The following PNPLA3 variants were observed in gnomAD, a reference collection of about 807,000 sequenced individuals.
PNPLA3 encodes the protein patatin like domain 3, 1-acylglycerol-3-phosphate O-acyltransferase.
A neutral mutation model predicts 43.1 loss-of-function variants in PNPLA3; 42 were observed. The ratio of observed to expected loss-of-function variants is 0.97; its 90% confidence interval spans 0.76 to 1.26. PNPLA3 has a LOEUF of 1.26. Ranked by LOEUF, PNPLA3 falls within the 50% of genes most tolerant of loss-of-function variation. The pLI, the probability that PNPLA3 is intolerant of heterozygous loss-of-function variation, is 0.00. For synonymous variants in PNPLA3, 272 were observed against 253.6 expected (o/e 1.07, Z -0.69); for missense variants, 647 against 621.4 (o/e 1.04, Z -0.44).
At chr22:43,940,430 A>G (rs1010022) in intron 7 of PNPLA3, among the ~76,000 whole-genome samples, 30,928 of 152,176 alleles carry the variant, frequency 0.2, 3,660 homozygotes, top group East Asian at 0.39. Context: ...GCTTGGGGTC[A>G]CTGCTCTGAG....
chr22:43,923,831 A>T lies in PNPLA3; in HGVS notation c.-81A>T. The T allele has an allele frequency of 7.4e-7, 1 of 1,345,388 alleles. No individual in the cohort carries two copies. The highest frequency in any genetic ancestry group is 9.6e-7 in the Non-Finnish European group (1 of 1,036,908). 83.3% of individuals were successfully genotyped at this position (1,345,388 alleles called of 1,614,324 possible). ...GAGAGCGCTTGCGGGCGCCGGGCGG[A>T]GCTGCTGCGGATCAGGACCCGAGCC... is the stretch of plus-strand genomic sequence containing the variant. On this transcript the variant is annotated 5_prime_UTR_variant, in exon 1 of 9. Coordinates refer to ENST00000216180, the MANE Select transcript of PNPLA3 (RefSeq NM_025225.3).
chr22:43,941,439 C>T (rs939425532), intron 7 of PNPLA3, among the ~76,000 whole-genome samples: 1 of 152,130 alleles, frequency 6.6e-6, no homozygotes, highest in Non-Finnish European at 1.5e-5. Context: ...AGCTGTGTGA[C>T]TCCAGATGAC....
intron 2 of PNPLA3, among the ~76,000 whole-genome samples, chr22:43,928,560 G>T (rs2049940188): frequency 6.6e-6 from 1 of 151,702 alleles, no homozygotes; most frequent in Admixed American, 6.6e-5. Context: ...TGGTGACCCA[G>T]TGTGACTCTC....
Position 43,923,917 on chromosome 22 carries a change from C to A in PNPLA3, c.6C>A (p.Tyr2Ter). The A allele has an allele frequency of 6.4e-7, 1 of 1,559,104 alleles. No homozygotes were observed. The highest frequency in any genetic ancestry group is 8.6e-7 in the Non-Finnish European group (1 of 1,161,754). The change falls in exon 1 of 9, where the codon TAC (tyrosine) becomes TAA (stop). Residue 2 changes from tyrosine to a stop codon, truncating the protein, a stop_gained. Transcript: ENST00000216180. LOFTEE classifies it high-confidence loss of function. M[Y>*]DAERGWSLSF... The stretch of plus-strand genomic sequence containing the variant: ...CCCGCCCCGCCGCCGCCGCCATGTA[C>A]GACGCAGAGCGCGGCTGGAGCTTGT...
intron 1 of PNPLA3, 76 bp downstream of exon 1, chr22:43,924,174 G>A: frequency 1.5e-6 from 2 of 1,360,548 alleles, no homozygotes; most frequent in East Asian, 3.1e-5. Flanking sequence ...GGATCCCCAG[G>A]GGTCGCGGGG....
At chr22:43,924,622 C>T (rs191577904) in intron 1 of PNPLA3, among the ~76,000 whole-genome samples, 5 of 152,106 alleles carry the variant, frequency 3.3e-5, no homozygotes, top group African/African-American at 9.6e-5. Flanking sequence ...CTCAAGACAC[C>T]CCGCGCCTGC....
chr22:43,939,850 C>T, intron 6 of PNPLA3, 143 bp from the exon 7 acceptor site: 4 of 1,158,570 alleles, frequency 3.5e-6, no homozygotes, highest in Non-Finnish European at 5.0e-6. Flanking sequence ...TTGGCAAACC[C>T]CACCTTGTCG....
chr22:43,940,188 A>T (rs2050022460), intron 7 of PNPLA3, 63 bp downstream of exon 7: 5 of 1,542,438 alleles, frequency 3.2e-6, no homozygotes, highest in Non-Finnish European at 4.5e-6. Context: ...AAACAAGATG[A>T]TAGATCATGG....
In PNPLA3 at chr22:43,937,066, C is replaced by A; in HGVS notation, c.773C>A (p.Pro258His). The change falls in exon 6 of 9, where the codon CCC becomes CAC. Residue 258 changes from proline to histidine, a missense_variant. Transcript: ENST00000216180. ...FLEEKGICNR[P>H]QPGLKSSSEG... is the part of the protein sequence containing the mutation. ...CCCTTCACAGGCATCTGCAACAGGCCCCAGCCAGGCCTGAAGTCATCCTCA... is the reference window on the plus strand; with the variant it reads ...CCCTTCACAGGCATCTGCAACAGGCACCAGCCAGGCCTGAAGTCATCCTCA... 1 of 1,613,760 alleles carries A rather than the reference C, an allele frequency of 6.2e-7. No individual in the cohort carries two copies. The highest frequency in any genetic ancestry group is 8.5e-7 in the Non-Finnish European group (1 of 1,180,020).
Position 43,946,674 on chromosome 22 carries a change from T to G in PNPLA3, c.*292T>G. On this transcript the variant is annotated 3_prime_UTR_variant, in exon 9 of 9. Coordinates refer to ENST00000216180, the MANE Select transcript of PNPLA3 (RefSeq NM_025225.3). ...GACTGTTTCGTGGCCCTATTAATGG[T>G]CAGACTGTTCCAGCATGAGGTTCTT... 1 of 605,074 alleles carries G rather than the reference T, an allele frequency of 1.7e-6. No homozygotes were observed. The allele number at this position is 605,074 out of a possible 1,614,324, so 37.5% of individuals were successfully genotyped here. A position where few individuals can be genotyped will look rare whatever the true frequency, so the allele number is the denominator to read the frequency against.
rs761112181 is a variant in PNPLA3 at position 43,925,692 on chromosome 22, A to G, written c.188-1243A>G. 1.1e-3 allele frequency among the ~76,000 whole-genome samples: 166 copies of G among 152,214 alleles called. 3 individuals are homozygous for G. Among genetic ancestry groups the G allele is most frequent in the Non-Finnish European group, 3.5e-4 (24 of 67,996 alleles). On this transcript the variant is annotated intron_variant, in intron 1 of 8. Coordinates refer to ENST00000216180, the MANE Select transcript of PNPLA3 (RefSeq NM_025225.3). The stretch of plus-strand genomic sequence containing the variant: ...CTGCCTTCCCCTAAGCCAGGGGGAG[A>G]GGAGCAAAGGGCACGAAATGTGGCC...
chr22:43,930,062 C>T (rs761264241), intron 3 of PNPLA3, among the ~76,000 whole-genome samples: 2 of 152,160 alleles, frequency 1.3e-5, no homozygotes, highest in Non-Finnish European at 2.9e-5. Flanking sequence ...AGCAGCGGAA[C>T]CTTTGATGCA....
In PNPLA3 at chr22:43,946,751, G is replaced by A. The variant is rs766725479; in HGVS notation, c.*369G>A. 1.9e-6 allele frequency: 1 copy of A among 530,110 alleles called. No individual in the cohort carries two copies. The highest frequency in any genetic ancestry group is 5.3e-5 in the East Asian group (1 of 18,968). The allele number at this position is 530,110 out of a possible 1,614,324, so 32.8% of individuals were successfully genotyped here. On this transcript the variant is annotated 3_prime_UTR_variant, in exon 9 of 9. Coordinates refer to ENST00000216180, the MANE Select transcript of PNPLA3 (RefSeq NM_025225.3). Reference sequence around the variant, plus strand: ...GGGCCTTGTGATGGGGGGTAGGCTGGCCCATGTGTGATCTTGTGGGGTGGA... The same window carrying A: ...GGGCCTTGTGATGGGGGGTAGGCTGACCCATGTGTGATCTTGTGGGGTGGA...
At chr22:43,928,291 C>T (rs738410) in intron 2 of PNPLA3, among the ~76,000 whole-genome samples, 66,818 of 152,110 alleles carry the variant, frequency 0.44, 16,417 homozygotes, top group Middle Eastern at 0.6. Context: ...AGTGAATCAC[C>T]GTGGTGCCTG....
chr22:43,945,639 G>A (rs575150887), intron 8 of PNPLA3, among the ~76,000 whole-genome samples: 24 of 152,284 alleles, frequency 1.6e-4, no homozygotes, highest in African/African-American at 5.3e-4. Flanking sequence ...TAGGGAAGAG[G>A]GCAGTAGTGG....
intron 8 of PNPLA3, among the ~76,000 whole-genome samples, chr22:43,945,699 G>C (rs530022777): frequency 6.6e-6 from 1 of 152,266 alleles, no homozygotes; most frequent in East Asian, 1.9e-4. Flanking sequence ...GCAGCAAGGG[G>C]GGCTGCCAGG....
Position 43,946,007 on chromosome 22 carries a change from TAGA to T in PNPLA3, c.1218-141_1218-139del, listed in dbSNP as rs2050060542. 7.9e-6 allele frequency: 6 copies of T among 755,434 alleles called. No individual in the cohort carries two copies. In the East Asian group the frequency reaches 1.2e-4, roughly 16 times the overall value. 46.8% of individuals were successfully genotyped at this position (755,434 alleles called of 1,614,324 possible). A position where few individuals can be genotyped will look rare whatever the true frequency, so the allele number is the denominator to read the frequency against. On this transcript the variant is annotated intron_variant, in intron 8 of 8. Coordinates refer to ENST00000216180, the MANE Select transcript of PNPLA3 (RefSeq NM_025225.3). ...GTGACATCAGCCCAGCACTGAGGGC[TAGA>T]AGAAGCTGTGTCTCTGGCTGTGACG...
chr22:43,930,836 T>C (rs1407156295), intron 3 of PNPLA3, among the ~76,000 whole-genome samples: 1 of 152,142 alleles, frequency 6.6e-6, no homozygotes, highest in Non-Finnish European at 1.5e-5. Context: ...CCTCTGGGGA[T>C]GTCTGGCCAC....
At chr22:43,930,985 G>T (rs919394347) in intron 3 of PNPLA3, among the ~76,000 whole-genome samples, 2 of 152,096 alleles carry the variant, frequency 1.3e-5, no homozygotes, top group Admixed American at 1.3e-4. Flanking sequence ...AAATTAGCTG[G>T]GCGTGGTGGC....
Sources: gnomAD v4.1 joint callset for allele counts (sites outside exome capture counted in the v4.1 genomes callset) on GRCh38, gnomAD v4.1.1 for gene constraint, MANE v1.5 for transcripts, NCBI Gene and HGNC (gene_info 2026-07-23, HGNC 2026-07-21) for gene names.